SORCS1: variants seen among roughly 807,000 people sequenced by gnomAD.
The protein encoded by SORCS1 is sortilin related VPS10 domain containing receptor 1.
Under a neutral mutation model 146.1 loss-of-function variants are expected in SORCS1, and 60 were observed. The ratio of observed to expected loss-of-function variants is 0.41; its 90% confidence interval spans 0.33 to 0.51. SORCS1 has a LOEUF of 0.51. SORCS1 is among the 20% of genes least tolerant of loss of function. The pLI, the probability that SORCS1 is intolerant of heterozygous loss-of-function variation, is 0.21. For synonymous variants in SORCS1, 637 were observed against 584.0 expected (o/e 1.09, Z -1.31); for missense variants, 1,352 against 1,487.6 (o/e 0.91, Z 1.50).
chr10:107,059,895 C>T (rs1465138716), intron 1 of SORCS1, among the ~76,000 whole-genome samples: 1 of 151,514 alleles, frequency 6.6e-6, no homozygotes, highest in Non-Finnish European at 1.5e-5. Context: ...AAAAAACCCT[C>T]AGTAATCTAC....
At chr10:106,802,308 A>G (rs1017130777) in intron 3 of SORCS1, among the ~76,000 whole-genome samples, 4 of 152,144 alleles carry the variant, frequency 2.6e-5, no homozygotes, top group Non-Finnish European at 4.4e-5. Context: ...CATATGTACA[A>G]TGGAAGGGCC....
intron 2 of SORCS1, among the ~76,000 whole-genome samples, chr10:106,862,346 CAT>C (rs200712157): frequency 0.032 from 4,906 of 152,234 alleles, 233 homozygotes; most frequent in African/African-American, 0.11. Flanking sequence ...ATCCAGAAAA[CAT>C]ATGCTTGCCT....
chr10:106,843,754 G>A (rs186440741), intron 2 of SORCS1, among the ~76,000 whole-genome samples: 188 of 152,204 alleles, frequency 1.2e-3, no homozygotes, highest in Admixed American at 1.2e-3. Context: ...TTTTTCTAAG[G>A]TTGAATCATA....
chr10:106,769,348 G>T (rs931859606), intron 4 of SORCS1, among the ~76,000 whole-genome samples: 2 of 152,056 alleles, frequency 1.3e-5, no homozygotes, highest in African/African-American at 4.8e-5. Context: ...AGCCGGGCGT[G>T]GGGGCGGGTG....
At chr10:107,037,621 A>G (rs1413842609) in intron 1 of SORCS1, among the ~76,000 whole-genome samples, 2 of 152,246 alleles carry the variant, frequency 1.3e-5, no homozygotes, top group Non-Finnish European at 2.9e-5. Context: ...AATTTTCAGA[A>G]TACTGAACAT....
At chr10:106,591,829 T>C (rs552036641) in intron 24 of SORCS1, among the ~76,000 whole-genome samples, 2 of 152,322 alleles carry the variant, frequency 1.3e-5, no homozygotes, top group South Asian at 2.1e-4. Context: ...AATGTTGGCA[T>C]TGAACTGAGC....
At chr10:106,830,491 G>A (rs1948491867) in intron 2 of SORCS1, among the ~76,000 whole-genome samples, 1 of 150,390 alleles carries the variant, frequency 6.6e-6, no homozygotes, top group African/African-American at 2.4e-5. Context: ...AAAATTTCCT[G>A]ATAAATGGAC....
intron 5 of SORCS1, among the ~76,000 whole-genome samples, chr10:106,734,430 A>G (rs956558168): frequency 5.3e-5 from 8 of 152,226 alleles, no homozygotes; most frequent in Non-Finnish European, 1.2e-4. Context: ...ATACTTTTGC[A>G]CAGAAAAAAT....
At chr10:106,764,332 TGTTA>T (rs1257290279) in intron 4 of SORCS1, among the ~76,000 whole-genome samples, 1 of 152,188 alleles carries the variant, frequency 6.6e-6, no homozygotes, top group Non-Finnish European at 1.5e-5. Flanking sequence ...CAAGTTAACG[TGTTA>T]ATTAAACCTA....
intron 23 of SORCS1, among the ~76,000 whole-genome samples, chr10:106,598,407 G>A (rs537519731): frequency 8.6e-4 from 130 of 151,914 alleles, no homozygotes; most frequent in African/African-American, 3.0e-3. Context: ...GACTACAGGC[G>A]TAAGCCAACA....
At chr10:106,988,940 T>C (rs997003601) in intron 1 of SORCS1, among the ~76,000 whole-genome samples, 3 of 151,910 alleles carry the variant, frequency 2.0e-5, no homozygotes, top group Admixed American at 1.3e-4. Context: ...AGGGGCTTTT[T>C]TCCTCTAATG....
chr10:106,577,413 G>T lies in SORCS1; in HGVS notation c.*7C>A. The T allele has an allele frequency of 6.2e-7, 1 of 1,612,108 alleles. No homozygotes were observed. Among genetic ancestry groups the T allele is most frequent in the Non-Finnish European group, 8.5e-7 (1 of 1,178,748 alleles). On this transcript the variant is annotated 3_prime_UTR_variant, in exon 26 of 26. Coordinates refer to ENST00000263054, the MANE Select transcript of SORCS1 (RefSeq NM_052918.5). ...AGCAGGTCGCCTGTAGCCTTTGGGG[G>T]TTTTCCTTAAATTGCATACTGTGCC...
At chr10:106,679,594 C>T (rs376181635) in intron 11 of SORCS1, 38 bp downstream of exon 11, 9 of 1,512,346 alleles carry the variant, frequency 6.0e-6, no homozygotes, top group Non-Finnish European at 7.3e-6. Flanking sequence ...AAAATAAACA[C>T]TATTTACCAC....
At chr10:106,800,004 A>C (rs1375432939) in intron 3 of SORCS1, among the ~76,000 whole-genome samples, 1 of 152,188 alleles carries the variant, frequency 6.6e-6, no homozygotes, top group African/African-American at 2.4e-5. Flanking sequence ...TATTATATGC[A>C]TTGCCACAAA....
intron 6 of SORCS1, among the ~76,000 whole-genome samples, chr10:106,715,591 C>T: frequency 6.6e-6 from 1 of 152,194 alleles, no homozygotes; most frequent in Non-Finnish European, 1.5e-5. Flanking sequence ...ATTTGATGAC[C>T]TTAGTCTTGA....
intron 1 of SORCS1, among the ~76,000 whole-genome samples, chr10:107,050,429 G>C (rs1211853231): frequency 6.6e-6 from 1 of 152,150 alleles, no homozygotes; most frequent in Non-Finnish European, 1.5e-5. Flanking sequence ...GTGAGGAGAA[G>C]ACTCTAAGAC....
chr10:106,933,642 C>A (rs190677833), intron 2 of SORCS1, among the ~76,000 whole-genome samples: 5 of 151,858 alleles, frequency 3.3e-5, no homozygotes, highest in Non-Finnish European at 7.4e-5. Context: ...CAGGATGCCC[C>A]CCCACCCCCA....
intron 18 of SORCS1, among the ~76,000 whole-genome samples, chr10:106,632,754 G>A (rs1848510012): frequency 6.6e-6 from 1 of 152,184 alleles, no homozygotes; most frequent in Non-Finnish European, 1.5e-5. Flanking sequence ...TTATTGCAGG[G>A]TGACATGAAG....
intron 1 of SORCS1, among the ~76,000 whole-genome samples, chr10:107,098,675 G>T (rs2134362498): frequency 6.6e-6 from 1 of 152,302 alleles, no homozygotes; most frequent in African/African-American, 2.4e-5. Flanking sequence ...ATTTTGGAAT[G>T]ACTTCTTTCT....
Sources: gnomAD v4.1 joint callset for allele counts (sites outside exome capture counted in the v4.1 genomes callset) on GRCh38, gnomAD v4.1.1 for gene constraint, MANE v1.5 for transcripts, NCBI Gene and HGNC (gene_info 2026-07-23, HGNC 2026-07-21) for gene names.